ZNF385D: variants seen among roughly 807,000 people sequenced by gnomAD.
The protein encoded by ZNF385D is zinc finger protein 385D.
A neutral mutation model predicts 35.8 loss-of-function variants in ZNF385D; 15 were observed. The ratio of observed to expected loss-of-function variants is 0.42; its 90% CI spans 0.28 to 0.64. The LOEUF (loss-of-function observed/expected upper bound fraction) is 0.64. ZNF385D is among the 30% of genes least tolerant of loss of function. The probability of loss-of-function intolerance (pLI) is 0.23; values close to 1 mark genes in which losing one functional copy is unlikely to be tolerated. For missense variants in ZNF385D, 474 were observed against 494.6 expected (o/e 0.96, Z 0.39); for synonymous variants, 212 against 186.8 (o/e 1.13, Z -1.10).
At chr3:22,129,343 G>A (rs1220714221) in intron 3 of ZNF385D, among the ~76,000 whole-genome samples, 1 of 152,102 alleles carries the variant, frequency 6.6e-6, no homozygotes, top group East Asian at 1.9e-4. Flanking sequence ...ATACTGCTGA[G>A]TTTGTTCAAG....
At chr3:21,765,129 T>C (rs1003856753) in intron 3 of ZNF385D, among the ~76,000 whole-genome samples, 1 of 152,082 alleles carries the variant, frequency 6.6e-6, no homozygotes, top group Non-Finnish European at 1.5e-5. Context: ...AATAAGTTGG[T>C]TCTAATGTTT....
intron 3 of ZNF385D, among the ~76,000 whole-genome samples, chr3:21,896,504 G>A (rs138109704): frequency 6.2e-4 from 94 of 152,232 alleles, no homozygotes; most frequent in African/African-American, 2.3e-3. Context: ...GAATTATATG[G>A]GGGCAAAGAG....
At chr3:22,098,371 C>G (rs1328820393) in intron 3 of ZNF385D, among the ~76,000 whole-genome samples, 1 of 151,956 alleles carries the variant, frequency 6.6e-6, no homozygotes, top group Non-Finnish European at 1.5e-5. Flanking sequence ...TTAATGAACA[C>G]AATTTTTTTC....
chr3:21,639,474 A>G (rs1212103336), intron 2 of ZNF385D, among the ~76,000 whole-genome samples: 16 of 152,124 alleles, frequency 1.1e-4, no homozygotes, highest in Non-Finnish European at 2.4e-4. Flanking sequence ...GCAATTTTAT[A>G]TAATGCTTGA....
Position 21,751,115 on chromosome 3 carries a change from T to A in ZNF385D, c.-199A>T. On this transcript the variant is annotated 5_prime_UTR_variant, in exon 1 of 8. Coordinates refer to ENST00000281523, the MANE Select transcript of ZNF385D (RefSeq NM_024697.3). ...TTCCAGGGCTAAGATCCCCGGCGGC[T>A]GGAGAGTGCGCTCGGGCTGCCTGCT... 1.4e-6 allele frequency: 2 copies of A among 1,468,076 alleles called. No homozygotes were observed. Among genetic ancestry groups the A allele is most frequent in the Non-Finnish European group, 1.8e-6 (2 of 1,110,100 alleles). 90.9% of individuals were successfully genotyped at this position (1,468,076 alleles called of 1,614,324 possible).
intron 4 of ZNF385D, among the ~76,000 whole-genome samples, chr3:21,448,605 A>G (rs1173181154): frequency 6.6e-6 from 1 of 152,170 alleles, no homozygotes; most frequent in Non-Finnish European, 1.5e-5. Context: ...AAGTCTACAG[A>G]TTATTTACAG....
chr3:21,534,648 G>A (rs1450947662), intron 3 of ZNF385D, among the ~76,000 whole-genome samples: 1 of 152,084 alleles, frequency 6.6e-6, no homozygotes, highest in Admixed American at 6.5e-5. Context: ...CTGATCAAAT[G>A]CAAACTCTTA....
chr3:22,039,306 G>A (rs929549765), intron 3 of ZNF385D, among the ~76,000 whole-genome samples: 3 of 150,806 alleles, frequency 2.0e-5, no homozygotes, highest in Non-Finnish European at 4.4e-5. Flanking sequence ...ATTGTTAGGG[G>A]CAGATGGCAT....
intron 3 of ZNF385D, among the ~76,000 whole-genome samples, chr3:21,973,215 A>C (rs929118286): frequency 6.6e-6 from 1 of 152,006 alleles, no homozygotes; most frequent in African/African-American, 2.4e-5. Flanking sequence ...AAAATCATTC[A>C]TCATGACCAA....
At chr3:21,830,725 C>A (rs1190716877) in intron 3 of ZNF385D, among the ~76,000 whole-genome samples, 1 of 152,106 alleles carries the variant, frequency 6.6e-6, no homozygotes, top group South Asian at 2.1e-4. Context: ...TTGTGATTTC[C>A]TTGGCAAATG....
At chr3:22,155,227 G>C (rs1300544596) in intron 3 of ZNF385D, among the ~76,000 whole-genome samples, 2 of 151,804 alleles carry the variant, frequency 1.3e-5, no homozygotes, top group Non-Finnish European at 2.9e-5. Flanking sequence ...TGTGAGAGAA[G>C]TACAGAAAAA....
At chr3:21,884,664 G>T (rs1386553705) in intron 3 of ZNF385D, among the ~76,000 whole-genome samples, 2 of 151,960 alleles carry the variant, frequency 1.3e-5, no homozygotes, top group African/African-American at 4.8e-5. Flanking sequence ...ACTATCATCT[G>T]TTCTCTAAAG....
At chr3:22,262,361 C>A (rs1203730441) in intron 2 of ZNF385D, among the ~76,000 whole-genome samples, 1 of 151,770 alleles carries the variant, frequency 6.6e-6, no homozygotes, top group Non-Finnish European at 1.5e-5. Context: ...AAATAAAGAC[C>A]AAGACCCAAA....
At chr3:21,819,217 G>A (rs1276319539) in intron 3 of ZNF385D, among the ~76,000 whole-genome samples, 1 of 151,576 alleles carries the variant, frequency 6.6e-6, no homozygotes, top group Non-Finnish European at 1.5e-5. Context: ...AAAGAAAGCA[G>A]AACAAATAAA....
At chr3:22,272,025 T>C (rs867867558) in intron 2 of ZNF385D, among the ~76,000 whole-genome samples, 1 of 152,060 alleles carries the variant, frequency 6.6e-6, no homozygotes, top group African/African-American at 2.4e-5. Flanking sequence ...TATGCAGTGG[T>C]GCCGATATTT....
In ZNF385D at chr3:21,863,858, T is replaced by C. The variant is rs574073350; in HGVS notation, c.326-198830A>G. On this transcript the variant is annotated intron_variant, in intron 3 of 5. Coordinates refer to the ZNF385D transcript ENST00000494108. Reference sequence around the variant, plus strand: ...AGTGGCCAATGCCAACCCAGGCCTCTATAAAATATGAACATAATGAGTTTT... The same window carrying C: ...AGTGGCCAATGCCAACCCAGGCCTCCATAAAATATGAACATAATGAGTTTT... Among the ~76,000 whole-genome samples, 54 of 152,270 alleles carry C rather than the reference T, an allele frequency of 3.5e-4. No individual in the cohort carries two copies. The East Asian group carries it at 9.5e-3, about 27-fold the overall frequency.
At chr3:21,984,728 T>A (rs867286153) in intron 3 of ZNF385D, among the ~76,000 whole-genome samples, 46 of 120,644 alleles carry the variant, frequency 3.8e-4, no homozygotes, top group Middle Eastern at 3.6e-3. Flanking sequence ...TTGATGGGGA[T>A]GGCATTGAAT....
intron 3 of ZNF385D, among the ~76,000 whole-genome samples, chr3:21,879,075 C>T (rs1698134114): frequency 6.6e-6 from 1 of 151,958 alleles, no homozygotes. Flanking sequence ...GAATACTTCT[C>T]AAGTTTGTAA....
intron 2 of ZNF385D, among the ~76,000 whole-genome samples, chr3:22,225,950 A>C (rs1477823381): frequency 1.3e-5 from 2 of 152,204 alleles, no homozygotes; most frequent in African/African-American, 4.8e-5. Flanking sequence ...CAAAGAGCAC[A>C]GGAAGGTTCT....
Sources: allele counts gnomAD v4.1 joint callset (sites outside exome capture counted in the v4.1 genomes callset), GRCh38; gene constraint gnomAD v4.1.1; transcripts MANE v1.5; gene names NCBI Gene and HGNC (gene_info 2026-07-23, HGNC 2026-07-21).